The following PAK5 variants were observed in gnomAD, a reference collection of about 807,000 sequenced individuals.
PAK5 encodes the protein serine/threonine-protein kinase PAK 5.
Under a neutral mutation model 65.9 loss-of-function variants are expected in PAK5, and 16 were observed. The ratio of observed to expected loss-of-function variants is 0.24; its 90% CI spans 0.16 to 0.37. The LOEUF (loss-of-function observed/expected upper bound fraction) is 0.37. PAK5 is among the 10% of genes least tolerant of loss of function. The pLI is 1.00. For synonymous variants in PAK5, 371 were observed against 354.9 expected (o/e 1.05, Z -0.51); for missense variants, 785 against 903.9 (o/e 0.87, Z 1.69).
chr20:9,747,489 G>A (rs539096138), intron 1 of PAK5, among the ~76,000 whole-genome samples: 2 of 151,234 alleles, frequency 1.3e-5, no homozygotes, highest in East Asian at 1.9e-4. Context: ...TATCCACCAC[G>A]ATCAAGTGTG....
At chr20:9,784,038 T>G (rs1257129731) in intron 1 of PAK5, among the ~76,000 whole-genome samples, 1 of 151,922 alleles carries the variant, frequency 6.6e-6, no homozygotes. Context: ...CATGAAATGT[T>G]AAAAAAAATA....
In PAK5 at chr20:9,656,100, T is replaced by C. The variant is rs147855048; in HGVS notation, c.-11-11761A>G. Among the ~76,000 whole-genome samples the C allele has an allele frequency of 4.6e-3, 699 of 152,272 alleles. 3 individuals carry two copies. Among genetic ancestry groups the C allele is most frequent in the Non-Finnish European group, 6.1e-3 (416 of 68,022 alleles). ...ATAAGAGCAAGCATGTTTAAAACTT[T>C]TTTAAATGCTAGCAAGTTGGCTTTC... On this transcript the variant is annotated intron_variant, in intron 2 of 9. Transcript: ENST00000353224.
chr20:9,619,759 G>C (rs1037376552), intron 3 of PAK5, among the ~76,000 whole-genome samples: 3 of 152,162 alleles, frequency 2.0e-5, no homozygotes, highest in Non-Finnish European at 4.4e-5. Flanking sequence ...CCTGCTGTGG[G>C]ACAGTCATTC....
intron 9 of PAK5, among the ~76,000 whole-genome samples, chr20:9,541,093 G>C (rs1442606431): frequency 6.6e-6 from 1 of 151,828 alleles, no homozygotes; most frequent in Admixed American, 6.6e-5. Flanking sequence ...CTCTTTTTTT[G>C]TTTATGTTTT....
At chr20:9,548,700 T>C (rs575759575) in intron 7 of PAK5, among the ~76,000 whole-genome samples, 2 of 152,348 alleles carry the variant, frequency 1.3e-5, no homozygotes, top group South Asian at 2.1e-4. Flanking sequence ...CATAATAGTA[T>C]ACCAGGTGAC....
chr20:9,599,817 T>C (rs776460776), intron 3 of PAK5, among the ~76,000 whole-genome samples: 1 of 152,216 alleles, frequency 6.6e-6, no homozygotes, highest in Non-Finnish European at 1.5e-5. Flanking sequence ...TTCACTCTCT[T>C]AACAGTGTAA....
intron 2 of PAK5, among the ~76,000 whole-genome samples, chr20:9,676,024 G>C (rs1043625390): frequency 1.3e-5 from 2 of 152,142 alleles, no homozygotes; most frequent in Non-Finnish European, 2.9e-5. Flanking sequence ...AAAGAAAGAG[G>C]TTTAATTGGA....
intron 6 of PAK5, among the ~76,000 whole-genome samples, chr20:9,559,088 T>C (rs1358723639): frequency 6.6e-6 from 1 of 152,192 alleles, no homozygotes; most frequent in East Asian, 1.9e-4. Flanking sequence ...CACAGAGGAA[T>C]CTAGGTGAGA....
At chr20:9,777,025 T>C (rs531498058) in intron 1 of PAK5, among the ~76,000 whole-genome samples, 2 of 152,292 alleles carry the variant, frequency 1.3e-5, no homozygotes, top group South Asian at 4.2e-4. Context: ...AAGGTATTAG[T>C]GCAATTTTAG....
At chr20:9,601,360 G>T (rs1485044596) in intron 3 of PAK5, among the ~76,000 whole-genome samples, 1 of 152,058 alleles carries the variant, frequency 6.6e-6, no homozygotes, top group African/African-American at 2.4e-5. Context: ...AGACAAAAAG[G>T]GTTAAAACAG....
At chr20:9,686,665 T>A (rs1475498527) in intron 2 of PAK5, among the ~76,000 whole-genome samples, 1 of 152,198 alleles carries the variant, frequency 6.6e-6, no homozygotes, top group Non-Finnish European at 1.5e-5. Flanking sequence ...CTGTTGCTGC[T>A]AGTCCCTGGA....
At chr20:9,819,862 G>C (rs2049399513) in intron 1 of PAK5, among the ~76,000 whole-genome samples, 1 of 152,168 alleles carries the variant, frequency 6.6e-6, no homozygotes, top group African/African-American at 2.4e-5. Flanking sequence ...TTGGGCTAGA[G>C]AGTATTTTTT....
intron 3 of PAK5, among the ~76,000 whole-genome samples, chr20:9,618,915 GTTTTTTTT>G (rs150725498): frequency 2.7e-3 from 51 of 18,828 alleles, no homozygotes; most frequent in African/African-American, 0.011. Context: ...TCTTTCTTTC[GTTTTTTTT>G]TTTTTTTTTT....
intron 1 of PAK5, among the ~76,000 whole-genome samples, chr20:9,714,770 A>C (rs2048121868): frequency 6.6e-6 from 1 of 152,172 alleles, no homozygotes; most frequent in Admixed American, 6.5e-5. Context: ...TCTTTGACAA[A>C]CCTTACAAAA....
chr20:9,687,232 C>T (rs1420946944), intron 2 of PAK5, among the ~76,000 whole-genome samples: 5 of 152,204 alleles, frequency 3.3e-5, no homozygotes, highest in African/African-American at 9.6e-5. Flanking sequence ...CTATGGGTGG[C>T]GCTCAGAGAG....
At chr20:9,683,067 C>A (rs537674532) in intron 2 of PAK5, among the ~76,000 whole-genome samples, 6 of 152,320 alleles carry the variant, frequency 3.9e-5, no homozygotes, top group African/African-American at 1.4e-4. Context: ...CCTTTAGGGA[C>A]CGAAGTGAAT....
At chr20:9,595,652 A>T (rs1195116427) in intron 3 of PAK5, among the ~76,000 whole-genome samples, 3 of 152,256 alleles carry the variant, frequency 2.0e-5, no homozygotes, top group Admixed American at 2.0e-4. Flanking sequence ...CCACAGATTT[A>T]ACAAAAACAT....
At chr20:9,766,339 T>C (rs530935696) in intron 1 of PAK5, among the ~76,000 whole-genome samples, 5 of 137,898 alleles carry the variant, frequency 3.6e-5, no homozygotes, top group African/African-American at 1.3e-4. Context: ...CTTGAATATA[T>C]ATATTCTACT....
intron 1 of PAK5, among the ~76,000 whole-genome samples, chr20:9,796,627 A>C (rs189933364): frequency 6.6e-6 from 1 of 152,278 alleles, no homozygotes; most frequent in East Asian, 1.9e-4. Flanking sequence ...TTACTGCTGC[A>C]GGAAAAAAGG....
Sources: gnomAD v4.1 joint callset for allele counts (sites outside exome capture counted in the v4.1 genomes callset) on GRCh38, gnomAD v4.1.1 for gene constraint, MANE v1.5 for transcripts, NCBI Gene and HGNC (gene_info 2026-07-23, HGNC 2026-07-21) for gene names.